Variants in BIN3 observed in about 807,000 individuals in gnomAD.
The protein encoded by BIN3 is bridging integrator 3.
A neutral mutation model predicts 38.2 loss-of-function variants in BIN3; 41 were observed. The observed-to-expected ratio is 1.07, with a 90% confidence interval of 0.84 to 1.39. BIN3 has a LOEUF of 1.39. BIN3 is among the 40% of genes most tolerant of loss of function. The pLI is 0.00. For synonymous variants in BIN3, 145 were observed against 122.6 expected, an observed-to-expected ratio of 1.18 and a Z score of -1.21; for missense variants, 361 against 324.3, an observed-to-expected ratio of 1.11 and a Z score of -0.87.
rs1471571982 is a variant in BIN3 at position 22,646,150 on chromosome 8, C to T, written c.9-1347G>A. 5.3e-5 allele frequency among the ~76,000 whole-genome samples: 8 copies of T among 152,186 alleles called. No individual in the cohort carries two copies. The East Asian group carries it at 1.3e-3, about 26-fold the overall frequency. ...AGGTAATTTAGGAGCTTCCTTGAGG[C>T]ACTGAGCATTCTATGATTCTCCAAC... is the stretch of plus-strand genomic sequence containing the variant. On this transcript the variant is annotated intron_variant, in intron 1 of 8. Transcript: ENST00000276416.
intron 6 of BIN3, chr8:22,624,836 C>T (rs534556807): frequency 5.0e-6 from 1 of 198,852 alleles, no homozygotes; most frequent in South Asian, 1.2e-4. Flanking sequence ...AGAGAGATGA[C>T]CTATGACTCA....
chr8:22,629,726 G>C, intron 6 of BIN3: 1 of 580,620 alleles, frequency 1.7e-6, no homozygotes, highest in East Asian at 2.8e-5. Flanking sequence ...TGGGTGGGGT[G>C]GGAAGGGGGT....
At chr8:22,628,733 T>C (rs368603525) in intron 6 of BIN3, among the ~76,000 whole-genome samples, 3 of 152,284 alleles carry the variant, frequency 2.0e-5, no homozygotes, top group South Asian at 4.1e-4. Flanking sequence ...AGCCTCTGTG[T>C]CCGTCTCTGG....
At position 22,621,398 on chromosome 8, in the gene BIN3, G is replaced by C. The variant is rs367825147; in HGVS notation, c.*24C>G. ...ATGAATGAGGCTGACCACGTCACAG[G>C]AGTCCTCCAAGAGTGACGGGGATTC... On this transcript the variant is annotated 3_prime_UTR_variant, in exon 9 of 9. Coordinates refer to ENST00000276416, the MANE Select transcript of BIN3 (RefSeq NM_018688.6). 8 of 1,606,352 alleles carry C rather than the reference G, an allele frequency of 5.0e-6. No individual in the cohort carries two copies. The African/African-American group carries it at 9.4e-5, about 19-fold the overall frequency.
chr8:22,659,646 G>A (rs1416785291), intron 1 of BIN3, among the ~76,000 whole-genome samples: 3 of 152,202 alleles, frequency 2.0e-5, no homozygotes, highest in Non-Finnish European at 2.9e-5. Context: ...CACTTCACAG[G>A]AGAAACAGCG....
At chr8:22,652,119 A>G (rs1802918222) in intron 1 of BIN3, among the ~76,000 whole-genome samples, 1 of 151,930 alleles carries the variant, frequency 6.6e-6, no homozygotes, top group African/African-American at 2.4e-5. Context: ...GATCTTAACA[A>G]CAGCTTTAAT....
chr8:22,637,293 G>A (rs1464406081), intron 2 of BIN3, among the ~76,000 whole-genome samples: 1 of 152,210 alleles, frequency 6.6e-6, no homozygotes, highest in African/African-American at 2.4e-5. Flanking sequence ...TGCTCAGAAC[G>A]TGACTGGACC....
chr8:22,629,933 G>A (rs982167043), intron 6 of BIN3, 31 bp downstream of exon 6: 11 of 1,582,350 alleles, frequency 7.0e-6, no homozygotes, highest in Non-Finnish European at 9.5e-6. Context: ...TCCCATAAGT[G>A]CCCCGAGGCC....
In BIN3 at chr8:22,636,593, G is replaced by C. The variant is rs377066587; in HGVS notation, c.99-7C>G. The C allele has an allele frequency of 1.7e-5, 27 of 1,551,646 alleles. No homozygotes were observed. In the African/African-American group the frequency reaches 3.6e-4, roughly 20 times the overall value. On this transcript the variant is annotated splice_polypyrimidine_tract_variant and splice_region_variant and intron_variant, in intron 3 of 8. Coordinates refer to ENST00000276416, the MANE Select transcript of BIN3 (RefSeq NM_018688.6). ...CCGGGTCTGCTCTTCCAGCCTGCAA[G>C]GCAGGGGACGGGCTGCTTGGGGTCC...
At chr8:22,625,713 G>C (rs551272412) in intron 6 of BIN3, 1 of 302,166 alleles carries the variant, frequency 3.3e-6, no homozygotes, top group Non-Finnish European at 6.4e-6. Context: ...TCAGCCTCCC[G>C]AAGAGCTAGG....
chr8:22,658,599 G>A (rs1252415436), intron 1 of BIN3, among the ~76,000 whole-genome samples: 2 of 152,194 alleles, frequency 1.3e-5, no homozygotes, highest in East Asian at 3.9e-4. Context: ...AGTTGGGGAG[G>A]GATCCCCTGG....
At chr8:22,646,824 G>A (rs973291879) in intron 1 of BIN3, among the ~76,000 whole-genome samples, 2 of 152,196 alleles carry the variant, frequency 1.3e-5, no homozygotes, top group Admixed American at 1.3e-4. Flanking sequence ...GATTACAGCT[G>A]ACAGACAGGA....
intron 4 of BIN3, 144 bp downstream of exon 4, chr8:22,636,381 G>T: frequency 1.3e-6 from 1 of 781,472 alleles, no homozygotes; most frequent in South Asian, 1.7e-5. Flanking sequence ...GGTGAGGAGT[G>T]ACTGCCCTGA....
chr8:22,636,856 G>A, intron 3 of BIN3, 66 bp downstream of exon 3: 1 of 1,539,786 alleles, frequency 6.5e-7, no homozygotes, highest in Non-Finnish European at 9.0e-7. Flanking sequence ...GCAGACAGGT[G>A]AGACCTGGCA....
chr8:22,644,966 C>A lies in BIN3; in HGVS notation c.9-163G>T, dbSNP rs1802669123. The stretch of plus-strand genomic sequence containing the variant: ...CTGGTGGGCATACAACCATTGGCAT[C>A]TGGGCTTGGTTCTAAGAGAGAGATA... On this transcript the variant is annotated intron_variant, in intron 1 of 8. Transcript: ENST00000276416. 3 of 613,174 alleles carry A rather than the reference C, an allele frequency of 4.9e-6. No individual in the cohort carries two copies. In the South Asian group the frequency reaches 5.4e-5, roughly 11 times the overall value. The allele number at this position is 613,174 out of a possible 1,614,324, so 38.0% of individuals were successfully genotyped here.
In BIN3 at chr8:22,630,577, G is replaced by C. The variant is rs764946714; in HGVS notation, c.162C>G (p.Ala54=). 2 of 1,613,832 alleles carry C rather than the reference G, an allele frequency of 1.2e-6. No homozygotes were observed. Among genetic ancestry groups the C allele is most frequent in the Non-Finnish European group, 1.7e-6 (2 of 1,179,800 alleles). The part of the protein sequence containing the change: ...DMKKSTDADL[A]MSKSAVKISL... ...ATATCTTCACGGCAGATTTTGACAT[G>C]GCTGTGGGAAGCCAAAGCTCGGTGA... Residue 54 remains alanine (A), a splice_region_variant and synonymous_variant, in exon 5 of 9, where the codon GCC becomes GCG. Coordinates refer to ENST00000276416, the MANE Select transcript of BIN3 (RefSeq NM_018688.6).
At position 22,634,730 on chromosome 8, in the gene BIN3, G is replaced by A. The variant is rs548287049; in HGVS notation, c.160+1795C>T. 7.2e-5 allele frequency among the ~76,000 whole-genome samples: 11 copies of A among 152,316 alleles called. No homozygotes were observed. In the South Asian group the frequency reaches 2.3e-3, roughly 32 times the overall value. On this transcript the variant is annotated intron_variant, in intron 4 of 8. Coordinates refer to ENST00000276416, the MANE Select transcript of BIN3 (RefSeq NM_018688.6). ...AGGCTCACAGACAGCCAAGCAAAGA[G>A]TGGATGGGCAACGGTTCCGGAGTGG...
chr8:22,630,620 A>G, intron 4 of BIN3, 42 bp from the exon 5 acceptor site: 2 of 1,609,610 alleles, frequency 1.2e-6, no homozygotes, highest in Non-Finnish European at 1.7e-6. Context: ...ATGAAGGGGC[A>G]GGTTTCACGG....
At chr8:22,638,798 A>G (rs1170182776) in intron 2 of BIN3, among the ~76,000 whole-genome samples, 2 of 152,162 alleles carry the variant, frequency 1.3e-5, no homozygotes, top group Admixed American at 6.5e-5. Flanking sequence ...AAAACCCACC[A>G]TTGGTGCCCC....
Sources: allele counts gnomAD v4.1 joint callset (sites outside exome capture counted in the v4.1 genomes callset), GRCh38; gene constraint gnomAD v4.1.1; transcripts MANE v1.5; gene names NCBI Gene and HGNC (gene_info 2026-07-23, HGNC 2026-07-21).